Variants in SERPINE2 observed in about 807,000 individuals in gnomAD.
SERPINE2 encodes glia-derived nexin.
Under a neutral mutation model 36.3 loss-of-function variants are expected in SERPINE2, and 14 were observed. The observed-to-expected ratio is 0.39, with a 90% CI of 0.25 to 0.60. SERPINE2 has a LOEUF of 0.60. Among genes scored for constraint, SERPINE2 ranks in the 20% least tolerant of loss-of-function variants. The probability of loss-of-function intolerance (pLI) is 0.57; values close to 1 mark genes in which losing one functional copy is unlikely to be tolerated. For synonymous variants in SERPINE2, 192 were observed against 191.8 expected, an observed-to-expected ratio of 1.00 and a Z score of -0.01; for missense variants, 418 against 499.6, an observed-to-expected ratio of 0.84 and a Z score of 1.56.
intron 1 of SERPINE2, among the ~76,000 whole-genome samples, chr2:224,010,558 T>C (rs1031308990): frequency 3.3e-5 from 5 of 152,278 alleles, no homozygotes; most frequent in African/African-American, 1.2e-4. Context: ...GATTACAGGA[T>C]ATTCATTCTA....
chr2:224,005,327 T>C (rs534889623), intron 1 of SERPINE2, among the ~76,000 whole-genome samples: 2 of 152,106 alleles, frequency 1.3e-5, no homozygotes, highest in South Asian at 2.1e-4. Flanking sequence ...GAGCTGTCTA[T>C]GTACAGTTTC....
chr2:223,996,605 C>T (rs764808975), intron 3 of SERPINE2, among the ~76,000 whole-genome samples: 1 of 152,166 alleles, frequency 6.6e-6, no homozygotes, highest in Admixed American at 6.5e-5. Flanking sequence ...ACTCCCTCGG[C>T]GATTCCAATG....
chr2:223,993,027 A>C (rs769259474), intron 3 of SERPINE2, among the ~76,000 whole-genome samples: 8 of 152,158 alleles, frequency 5.3e-5, no homozygotes, highest in Admixed American at 1.3e-4. Flanking sequence ...TGGGAGGCTG[A>C]GGTGGGAGGG....
chr2:224,005,096 TAA>T (rs1553547069), intron 1 of SERPINE2, among the ~76,000 whole-genome samples: 2,026 of 131,918 alleles, frequency 0.015, 100 homozygotes, highest in African/African-American at 0.055. Context: ...TATATATATA[TAA>T]AACATTGTAA....
intron 1 of SERPINE2, among the ~76,000 whole-genome samples, chr2:224,004,580 C>A (rs1046371008): frequency 2.0e-5 from 3 of 152,270 alleles, no homozygotes; most frequent in African/African-American, 4.8e-5. Context: ...CTTTGGAGAG[C>A]GTCCAAATCA....
At chr2:223,987,571 AG>A (rs1333415520) in intron 4 of SERPINE2, among the ~76,000 whole-genome samples, 4 of 152,344 alleles carry the variant, frequency 2.6e-5, no homozygotes, top group African/African-American at 4.8e-5. Flanking sequence ...TAAGTATAAT[AG>A]GTTGATTCAT....
chr2:223,977,118 T>C (rs1200812219), intron 8 of SERPINE2, among the ~76,000 whole-genome samples: 1 of 152,234 alleles, frequency 6.6e-6, no homozygotes, highest in Non-Finnish European at 1.5e-5. Flanking sequence ...TGTGAGTCAA[T>C]TAAACCTCTT....
chr2:224,027,126 G>C (rs558048336), intron 1 of SERPINE2, among the ~76,000 whole-genome samples: 1 of 152,304 alleles, frequency 6.6e-6, no homozygotes, highest in Non-Finnish European at 1.5e-5. Context: ...CTGGCACAAA[G>C]TAGTAACTGA....
intron 1 of SERPINE2, among the ~76,000 whole-genome samples, chr2:224,009,147 A>G (rs1275404216): frequency 2.0e-5 from 3 of 152,168 alleles, no homozygotes; most frequent in African/African-American, 7.2e-5. Flanking sequence ...ACCGACACAC[A>G]GCACGGCAAG....
Position 223,985,379 on chromosome 2 carries a change from T to C in SERPINE2, c.686-429A>G, listed in dbSNP as rs550431068. Among the ~76,000 whole-genome samples the C allele has an allele frequency of 3.9e-5, 6 of 151,972 alleles. No homozygotes were observed. The South Asian group carries it at 1.2e-3, about 32-fold the overall frequency. ...GACGTTATGGGATACATATAGATAG[T>C]AAAATAGTTACTATGAAAAAGCAAA... On this transcript the variant is annotated intron_variant, in intron 4 of 8. Transcript: ENST00000409304.
chr2:223,999,093 T>C (rs1259422154), intron 2 of SERPINE2, among the ~76,000 whole-genome samples: 2 of 152,202 alleles, frequency 1.3e-5, no homozygotes, highest in Non-Finnish European at 2.9e-5. Context: ...ATGTAATTTC[T>C]TTTTTTCTAT....
Position 223,996,180 on chromosome 2 carries a change from T to A in SERPINE2, c.487+1935A>T, listed in dbSNP as rs113778162. 5.2e-3 allele frequency among the ~76,000 whole-genome samples: 799 copies of A among 152,244 alleles called. 5 individuals are homozygous for A. The highest frequency in any genetic ancestry group is 0.018 in the African/African-American group (763 of 41,542). ...GAAGACTGTCACATGGTCTAACTAA[T>A]GTGGTTTAATATTGCCATTCTACAG... is the stretch of plus-strand genomic sequence containing the variant. On this transcript the variant is annotated intron_variant, in intron 3 of 8. Transcript: ENST00000409304.
intron 3 of SERPINE2, among the ~76,000 whole-genome samples, chr2:223,997,800 G>A (rs1278999335): frequency 2.5e-4 from 38 of 152,204 alleles, no homozygotes; most frequent in Admixed American, 2.5e-3. Context: ...GAAGGAATGA[G>A]CAAGAAAACC....
intron 5 of SERPINE2, among the ~76,000 whole-genome samples, chr2:223,984,354 A>G (rs1320742466): frequency 1.3e-5 from 2 of 152,218 alleles, no homozygotes; most frequent in African/African-American, 4.8e-5. Context: ...AAATAACTAA[A>G]ATGAAGCTCC....
intron 1 of SERPINE2, among the ~76,000 whole-genome samples, chr2:224,005,097 A>ATATATATATATATATATAG (rs58677711): frequency 7.9e-6 from 1 of 127,144 alleles, no homozygotes; most frequent in Non-Finnish European, 1.6e-5. Flanking sequence ...ATATATATAT[A>ATATATATATATATATATAG]AAACATTGTA....
chr2:224,020,670 A>G (rs977400880), intron 1 of SERPINE2, among the ~76,000 whole-genome samples: 7 of 152,234 alleles, frequency 4.6e-5, no homozygotes, highest in Admixed American at 3.3e-4. Context: ...TAAATCTCAC[A>G]TGGATGAAAT....
intron 1 of SERPINE2, 52 bp from the exon 2 acceptor site, chr2:224,001,974 CTACT>C (rs1691192288): frequency 2.8e-6 from 4 of 1,426,752 alleles, no homozygotes; most frequent in South Asian, 1.4e-5. Flanking sequence ...GGGTACTTTA[CTACT>C]TTTTTTTTTT....
At chr2:224,033,108 T>G (rs1692430038) in intron 1 of SERPINE2, among the ~76,000 whole-genome samples, 2 of 152,242 alleles carry the variant, frequency 1.3e-5, no homozygotes, top group African/African-American at 4.8e-5. Flanking sequence ...CCATTCTGTA[T>G]CTAAGGGTAT....
At chr2:223,978,229 AT>A (rs2106129381) in intron 7 of SERPINE2, 1 of 152,848 alleles carries the variant, frequency 6.5e-6, no homozygotes, top group African/African-American at 2.4e-5. Flanking sequence ...GGGTTTCACT[AT>A]GTTGGTCACG....
Sources: gnomAD v4.1 joint callset for allele counts (sites outside exome capture counted in the v4.1 genomes callset) on GRCh38, gnomAD v4.1.1 for gene constraint, MANE v1.5 for transcripts, NCBI Gene and HGNC (gene_info 2026-07-23, HGNC 2026-07-21) for gene names.